The following MSH3 variants were observed in gnomAD, a reference collection of about 807,000 sequenced individuals.
MSH3 encodes the protein mutS homolog 3.
A neutral mutation model predicts 123.3 loss-of-function variants in MSH3; 106 were observed. The ratio of observed to expected loss-of-function variants is 0.86; its 90% CI spans 0.73 to 1.01. The LOEUF (loss-of-function observed/expected upper bound fraction) is 1.01. MSH3 is among the 50% of genes least tolerant of loss of function. The pLI, the probability that MSH3 is intolerant of heterozygous loss-of-function variation, is 0.00. For missense variants in MSH3, 1,459 were observed against 1,347.6 expected (o/e 1.08, Z -1.29); for synonymous variants, 515 against 481.4 (o/e 1.07, Z -0.91).
At chr5:80,804,616 C>T (rs1213679626) in intron 19 of MSH3, among the ~76,000 whole-genome samples, 1 of 152,214 alleles carries the variant, frequency 6.6e-6, no homozygotes, top group Non-Finnish European at 1.5e-5. Flanking sequence ...TCCTCCTTTA[C>T]TTTCCCCCAA....
intron 20 of MSH3, among the ~76,000 whole-genome samples, chr5:80,849,773 A>AT (rs1745796935): frequency 6.6e-6 from 1 of 152,132 alleles, no homozygotes; most frequent in African/African-American, 2.4e-5. Context: ...AGGGGCTGCC[A>AT]TGAAGACCTC....
rs1743353490 is a variant in MSH3, at chr5:80,728,913, A to G, written c.1516A>G (p.Ile506Val). 3.7e-6 allele frequency: 6 copies of G among 1,612,954 alleles called. No homozygotes were observed. The highest frequency in any genetic ancestry group is 1.3e-5 in the African/African-American group (1 of 74,890). The change falls in exon 10 of 24, where the codon ATC becomes GTC. Residue 506 changes from isoleucine (I) to valine (V), a missense_variant. Ile to Val is a conservative substitution (Grantham distance 29). Transcript: ENST00000265081. ...GCCTGTGATTTGCTCTTTGGCTGCC[A>G]TCATAAAATACCTCAAAGAATTCAA... ...EKPVICSLAA[I>V]IKYLKEFNLE...
At chr5:80,679,460 AATG>A (rs1478714153) in intron 8 of MSH3, among the ~76,000 whole-genome samples, 3 of 152,234 alleles carry the variant, frequency 2.0e-5, no homozygotes, top group Non-Finnish European at 4.4e-5. Flanking sequence ...TCTGATATTT[AATG>A]ATATTATTTG....
chr5:80,734,209 G>A (rs10055856), intron 10 of MSH3, among the ~76,000 whole-genome samples: 3 of 152,080 alleles, frequency 2.0e-5, no homozygotes, highest in Non-Finnish European at 2.9e-5. Context: ...AAAAAGTCTC[G>A]TTTTGTCTGA....
intron 22 of MSH3, among the ~76,000 whole-genome samples, chr5:80,867,743 G>A (rs1485075673): frequency 6.6e-6 from 1 of 152,168 alleles, no homozygotes; most frequent in Non-Finnish European, 1.5e-5. Flanking sequence ...AAAAGTATCT[G>A]TTCATGTCCT....
intron 20 of MSH3, among the ~76,000 whole-genome samples, chr5:80,835,201 C>G (rs1267025877): frequency 6.6e-6 from 1 of 152,208 alleles, no homozygotes; most frequent in Non-Finnish European, 1.5e-5. Context: ...GTAAATAGCT[C>G]TGTCTAGAGC....
chr5:80,713,688 C>A (rs564936041), intron 8 of MSH3, among the ~76,000 whole-genome samples: 1 of 152,312 alleles, frequency 6.6e-6, no homozygotes, highest in Non-Finnish European at 1.5e-5. Context: ...TCTAATAAAG[C>A]AGGTGAATCA....
chr5:80,857,656 AGGTTACCAG>A (rs770675680), intron 21 of MSH3, among the ~76,000 whole-genome samples: 31 of 152,316 alleles, frequency 2.0e-4, no homozygotes, highest in Non-Finnish European at 1.2e-4. Context: ...ATTTTCACCA[AGGTTACCAG>A]ATTTGTGGAC....
intron 3 of MSH3, among the ~76,000 whole-genome samples, chr5:80,667,995 G>A (rs1205891036): frequency 6.6e-6 from 1 of 152,216 alleles, no homozygotes; most frequent in Non-Finnish European, 1.5e-5. Flanking sequence ...GTATGTGGAC[G>A]AGTGGAGGGT....
intron 8 of MSH3, among the ~76,000 whole-genome samples, chr5:80,723,660 C>A (rs1366544262): frequency 6.6e-6 from 1 of 151,986 alleles, no homozygotes; most frequent in Non-Finnish European, 1.5e-5. Flanking sequence ...GATAAAGTAC[C>A]ACTCATACAA....
rs1252609685 is a variant in MSH3 at position 80,679,085 on chromosome 5, A to G, written c.1332A>G (p.Thr444=). 3 of 1,613,996 alleles carry G rather than the reference A, an allele frequency of 1.9e-6. No individual in the cohort carries two copies. The highest frequency in any genetic ancestry group is 1.1e-5 in the South Asian group (1 of 91,080). Residue 444 remains threonine (T), a synonymous_variant, in exon 8 of 24, where the codon ACA becomes ACG. Coordinates refer to ENST00000265081, the MANE Select transcript of MSH3 (RefSeq NM_002439.5). The part of the protein sequence containing the change: ...EQTEALIHRA[T]SVSVQDDRIR... ...CAGAGGCGCTCATCCACAGAGCCAC[A>G]TCTGTTAGGTAAGTTGGCACATCAC...
chr5:80,706,855 T>G lies in MSH3; in HGVS notation c.1341-18598T>G, dbSNP rs370481878. On this transcript the variant is annotated intron_variant, in intron 8 of 23. Transcript: ENST00000265081. ...CATACGGCAAATATAAAAAGTTTTA[T>G]TTTTAATCAATTTTAATCAGGTGTA... is the stretch of plus-strand genomic sequence containing the variant. 2.2e-4 allele frequency among the ~76,000 whole-genome samples: 34 copies of G among 152,314 alleles called. 2 individuals carry two copies. The East Asian group carries it at 6.4e-3, about 29-fold the overall frequency.
At chr5:80,723,124 A>AATAC (rs1430686885) in intron 8 of MSH3, among the ~76,000 whole-genome samples, 2 of 151,562 alleles carry the variant, frequency 1.3e-5, no homozygotes, top group East Asian at 3.9e-4. Context: ...TAAATAAATA[A>AATAC]ATAAATAAAG....
At chr5:80,671,718 G>A (rs551890785) in intron 4 of MSH3, among the ~76,000 whole-genome samples, 90 of 152,278 alleles carry the variant, frequency 5.9e-4, no homozygotes, top group African/African-American at 2.1e-3. Context: ...GCTTTCTAGA[G>A]GAAATCAGGG....
intron 8 of MSH3, among the ~76,000 whole-genome samples, chr5:80,682,677 G>A (rs182046761): frequency 2.0e-5 from 3 of 152,006 alleles, no homozygotes; most frequent in Admixed American, 2.0e-4. Context: ...ATTACATCAG[G>A]GTAAATGGGG....
rs913303823 is a variant in MSH3, at chr5:80,792,714, A to G, written c.2544-19A>G. ...CTATTTCCATGCCTAGTAAATTGAA[A>G]CATATTTCTTTTTTGCAGACCAACT... On this transcript the variant is annotated intron_variant, in intron 18 of 23. Coordinates refer to ENST00000265081, the MANE Select transcript of MSH3 (RefSeq NM_002439.5). 6.8e-7 allele frequency: 1 copy of G among 1,475,462 alleles called. No individual in the cohort carries two copies. Among genetic ancestry groups the G allele is most frequent in the African/African-American group, 1.4e-5 (1 of 72,014 alleles). The allele number at this position is 1,475,462 out of a possible 1,614,324, so 91.4% of individuals were successfully genotyped here.
At position 80,662,826 on chromosome 5, in the gene MSH3, C is replaced by CA. The variant is rs34742685; in HGVS notation, c.359-2303dup. ...TGGGTGACAGAGTGAGACTCTGTCT[C>CA]AAAAAAAAAAAAAATTTTATTTGGG... is the stretch of plus-strand genomic sequence containing the variant. On this transcript the variant is annotated intron_variant, in intron 2 of 23. Transcript: ENST00000265081. Among the ~76,000 whole-genome samples, 106 of 113,096 alleles carry CA rather than the reference C, an allele frequency of 9.4e-4. 1 individual carries two copies. Among genetic ancestry groups the CA allele is most frequent in the Middle Eastern group, 5.4e-3 (1 of 184 alleles). 74.2% of individuals were successfully genotyped at this position (113,096 alleles called of 152,430 possible). A position where few individuals can be genotyped will look rare whatever the true frequency, so the allele number is the denominator to read the frequency against.
At chr5:80,698,453 T>C (rs1750533354) in intron 8 of MSH3, among the ~76,000 whole-genome samples, 1 of 152,136 alleles carries the variant, frequency 6.6e-6, no homozygotes, top group Non-Finnish European at 1.5e-5. Flanking sequence ...GTTGAAAATA[T>C]CTTAGAGTTA....
At position 80,873,124 on chromosome 5, in the gene MSH3, G is replaced by A. The variant is rs2112128582; in HGVS notation, c.3139G>A (p.Glu1047Lys). The part of the protein sequence containing the change: ...DESKLDPGAA[E>K]QVPDFVTFLY... ...CTTTCTTTATTTCACAGGCGCAGCAGAACAAGTCCCTGATTTTGTCACCTT... is the reference window on the plus strand; with the variant it reads ...CTTTCTTTATTTCACAGGCGCAGCAAAACAAGTCCCTGATTTTGTCACCTT... The change falls in exon 23 of 24, where the codon GAA becomes AAA. Residue 1047 changes from glutamate to lysine, a missense_variant. Transcript: ENST00000265081. The A allele has an allele frequency of 6.2e-7, 1 of 1,613,364 alleles. No individual in the cohort carries two copies. Among genetic ancestry groups the A allele is most frequent in the South Asian group, 1.1e-5 (1 of 91,050 alleles).
Sources: gnomAD v4.1 joint callset for allele counts (sites outside exome capture counted in the v4.1 genomes callset) on GRCh38, gnomAD v4.1.1 for gene constraint, MANE v1.5 for transcripts, NCBI Gene and HGNC (gene_info 2026-07-23, HGNC 2026-07-21) for gene names.